The following CTSH variants were observed in gnomAD, a reference collection of about 807,000 sequenced individuals.
The protein encoded by CTSH is cathepsin H.
Under a neutral mutation model 56.3 loss-of-function variants are expected in CTSH, and 52 were observed. The observed-to-expected ratio is 0.92, with a 90% confidence interval of 0.74 to 1.16. CTSH has a LOEUF of 1.16. Among genes scored for constraint, CTSH ranks in the 50% most tolerant of loss-of-function variants. The pLI is 0.00. For missense variants in CTSH, 406 were observed against 424.5 expected (o/e 0.96, Z 0.38); for synonymous variants, 174 against 155.7 (o/e 1.12, Z -0.88).
chr15:78,923,152 T>C, intron 10 of CTSH, 34 bp from the exon 11 acceptor site: 12 of 1,611,518 alleles, frequency 7.4e-6, no homozygotes, highest in Non-Finnish European at 1.0e-5. Flanking sequence ...GGTGATCATA[T>C]GGGAAGGATA....
chr15:78,945,037 A>C lies in CTSH; in HGVS notation c.-56T>G. On this transcript the variant is annotated 5_prime_UTR_variant, in exon 1 of 12. Coordinates refer to ENST00000220166, the MANE Select transcript of CTSH (RefSeq NM_004390.5). ...AGGGTCCGCGGAGGTGGCGGCCCAGAGCGTCAACTGGGAGCGCGGGGGGGG... is the reference window on the plus strand; with the variant it reads ...AGGGTCCGCGGAGGTGGCGGCCCAGCGCGTCAACTGGGAGCGCGGGGGGGG... 1 of 1,389,278 alleles carries C rather than the reference A, an allele frequency of 7.2e-7. No homozygotes were observed. The highest frequency in any genetic ancestry group is 9.4e-7 in the Non-Finnish European group (1 of 1,058,800). 86.1% of individuals were successfully genotyped at this position (1,389,278 alleles called of 1,614,324 possible).
Position 78,944,753 on chromosome 15 carries a change from GC to G in CTSH, c.91+137del, listed in dbSNP as rs1033021333. On this transcript the variant is annotated intron_variant, in intron 1 of 11. Coordinates refer to ENST00000220166, the MANE Select transcript of CTSH (RefSeq NM_004390.5). Reference sequence around the variant, plus strand: ...ATGCAGTTTACCCCTCCCCGTGCCAGCACGCAGAGTTCCTGGCCTCTCACCG... The same window carrying G: ...ATGCAGTTTACCCCTCCCCGTGCCAGACGCAGAGTTCCTGGCCTCTCACCG... 3 of 1,343,964 alleles carry G rather than the reference GC, an allele frequency of 2.2e-6. No individual in the cohort carries two copies. In the African/African-American group the frequency reaches 4.6e-5, roughly 20 times the overall value. 83.3% of individuals were successfully genotyped at this position (1,343,964 alleles called of 1,614,324 possible). A position where few individuals can be genotyped will look rare whatever the true frequency, so the allele number is the denominator to read the frequency against.
At chr15:78,934,470 G>A (rs773903773) in intron 5 of CTSH, among the ~76,000 whole-genome samples, 4 of 152,238 alleles carry the variant, frequency 2.6e-5, no homozygotes, top group Non-Finnish European at 4.4e-5. Flanking sequence ...GGAAGGCAGG[G>A]CCTCTCACCT....
intron 4 of CTSH, 46 bp downstream of exon 4, chr15:78,935,634 G>A (rs202107390): frequency 2.6e-6 from 4 of 1,516,356 alleles, no homozygotes; most frequent in Admixed American, 1.7e-5. Flanking sequence ...TATTCCAAAG[G>A]TTTCAGTAAA....
rs370268844 is a variant in CTSH, at chr15:78,927,709, T to G, written c.699+4A>C. ...CCCCATCCCAGAGGGGGATCGGCAC[T>G]CACGATTGTGATGTTGGCTACATCC... On this transcript the variant is annotated splice_donor_region_variant and intron_variant, in intron 9 of 11. Coordinates refer to ENST00000220166, the MANE Select transcript of CTSH (RefSeq NM_004390.5). 6.2e-7 allele frequency: 1 copy of G among 1,613,840 alleles called. No homozygotes were observed. Among genetic ancestry groups the G allele is most frequent in the African/African-American group, 1.3e-5 (1 of 74,924 alleles).
intron 1 of CTSH, among the ~76,000 whole-genome samples, chr15:78,941,150 G>A (rs1367965038): frequency 6.6e-6 from 1 of 151,978 alleles, no homozygotes; most frequent in Non-Finnish European, 1.5e-5. Flanking sequence ...ATTTTGGCTG[G>A]GCGCCGTGGC....
chr15:78,925,558 A>G (rs12440862), intron 9 of CTSH, 118 bp from the exon 10 acceptor site: 69,011 of 665,818 alleles, frequency 0.1, 4,327 homozygotes, highest in East Asian at 0.27. Context: ...GATGGCCAGA[A>G]GCAGCTCCCC....
rs142506062 is a variant in CTSH at position 78,927,770 on chromosome 15, G to A, written c.642C>T (p.Cys214=). 4 of 1,614,100 alleles carry A rather than the reference G, an allele frequency of 2.5e-6. No homozygotes were observed. Among genetic ancestry groups the A allele is most frequent in the Non-Finnish European group, 3.4e-6 (4 of 1,179,946 alleles). The change falls in exon 9 of 12, where the codon TGC becomes TGT. Residue 214 remains cysteine (C), a synonymous_variant. Coordinates refer to ENST00000220166, the MANE Select transcript of CTSH (RefSeq NM_004390.5). ...TYPYQGKDGY[C]KFQPGKAIGF... ...CGATGGCCTTTCCAGGTTGGAACTT[G>A]CAATAACCATCCTGTTGAGGATGCA...
intron 5 of CTSH, among the ~76,000 whole-genome samples, chr15:78,934,552 T>C (rs1284970618): frequency 6.6e-6 from 1 of 152,174 alleles, no homozygotes; most frequent in Non-Finnish European, 1.5e-5. Flanking sequence ...TGCTGATGCA[T>C]GACACATGGA....
At chr15:78,932,797 C>T (rs1286149539) in intron 5 of CTSH, among the ~76,000 whole-genome samples, 8 of 152,182 alleles carry the variant, frequency 5.3e-5, no homozygotes, top group African/African-American at 1.9e-4. Context: ...ACCATTCTGC[C>T]AGGGCCTGGA....
intron 6 of CTSH, chr15:78,931,829 G>C: frequency 1.5e-6 from 2 of 1,299,922 alleles, no homozygotes; most frequent in Non-Finnish European, 2.0e-6. Flanking sequence ...GCGGTGTATA[G>C]GATGGGGGAA....
At position 78,932,399 on chromosome 15, in the gene CTSH, G is replaced by A. The variant is rs2055081403; in HGVS notation, c.465C>T (p.Ala155=). ...AGGACAGCATCTTTCCGGTTGCGAT[G>A]GCGATCGCAGACTCCAGGGCCCCAG... ...STTGALESAI[A]IATGKMLSLA... is the part of the protein sequence containing the mutation. Residue 155 remains alanine (A), a synonymous_variant, in exon 6 of 12, where the codon GCC becomes GCT. Transcript: ENST00000220166. 6.2e-7 allele frequency: 1 copy of A among 1,614,006 alleles called. No individual in the cohort carries two copies. Among genetic ancestry groups the A allele is most frequent in the Admixed American group, 1.7e-5 (1 of 60,000 alleles).
chr15:78,929,458 T>C lies in CTSH; in HGVS notation c.584A>G (p.Tyr195Cys). ...LPSQAFEYIL[Y>C]NKGIMGEDTY... The stretch of plus-strand genomic sequence containing the variant: ...GTCTTCACCCATGATCCCCTTGTTG[T>C]ACAGGATATACTCGAAAGCCTGGCT... Residue 195 changes from tyrosine to cysteine, a missense_variant, in exon 8 of 12, where the codon TAC (tyrosine) becomes TGC (cysteine). Transcript: ENST00000220166. The C allele has an allele frequency of 2.5e-6, 4 of 1,612,284 alleles. No homozygotes were observed. The highest frequency in any genetic ancestry group is 3.4e-6 in the Non-Finnish European group (4 of 1,179,052).
intron 1 of CTSH, among the ~76,000 whole-genome samples, chr15:78,940,054 T>C (rs1188679896): frequency 6.6e-6 from 1 of 152,204 alleles, no homozygotes; most frequent in African/African-American, 2.4e-5. Context: ...TGAACATTAA[T>C]GGGTAGGACT....
intron 10 of CTSH, 127 bp from the exon 11 acceptor site, chr15:78,923,245 A>AGGT (rs2054816522): frequency 2.0e-6 from 2 of 995,642 alleles, no homozygotes; most frequent in East Asian, 2.6e-5. Flanking sequence ...GAGGCATGTA[A>AGGT]GGTGGTGATG....
At position 78,923,930 on chromosome 15, in the gene CTSH, C is replaced by T. The variant is rs540737618; in HGVS notation, c.807-812G>A. ...GATGTGTAAGTGGGCCATAGGCTCGCGCCAGGGCCAGGTGCCGGGATCCAG... is the reference window on the plus strand; with the variant it reads ...GATGTGTAAGTGGGCCATAGGCTCGTGCCAGGGCCAGGTGCCGGGATCCAG... On this transcript the variant is annotated intron_variant, in intron 10 of 11. Transcript: ENST00000220166. Among the ~76,000 whole-genome samples the T allele has an allele frequency of 6.6e-5, 10 of 152,256 alleles. No individual in the cohort carries two copies. In the East Asian group the frequency reaches 1.4e-3, roughly 21 times the overall value.
intron 10 of CTSH, among the ~76,000 whole-genome samples, chr15:78,924,101 G>GC (rs2054839757): frequency 1.5e-5 from 2 of 136,386 alleles, no homozygotes; most frequent in Non-Finnish European, 1.6e-5. Flanking sequence ...CCCAGCGGGG[G>GC]GGGGGGGGAG....
rs1266044960 is a variant in CTSH at position 78,921,657 on chromosome 15, C to G, written c.*473G>C. 1 of 154,294 alleles carries G rather than the reference C, an allele frequency of 6.5e-6. No homozygotes were observed. Among genetic ancestry groups the G allele is most frequent in the Non-Finnish European group, 1.4e-5 (1 of 69,542 alleles). 9.6% of individuals were successfully genotyped at this position (154,294 alleles called of 1,614,324 possible). Reference sequence around the variant, plus strand: ...ATCTGGTGGATAATACCGCCAGCACCCCCACCATCCTCCCAGCCAGAGCCT... The same window carrying G: ...ATCTGGTGGATAATACCGCCAGCACGCCCACCATCCTCCCAGCCAGAGCCT... On this transcript the variant is annotated 3_prime_UTR_variant, in exon 12 of 12. Transcript: ENST00000220166.
chr15:78,931,905 C>T (rs1309612700), intron 6 of CTSH: 3 of 1,206,916 alleles, frequency 2.5e-6, no homozygotes, highest in Non-Finnish European at 1.0e-6. Flanking sequence ...CATCACCAGG[C>T]CGGCTGTGCA....
Sources: allele counts gnomAD v4.1 joint callset (sites outside exome capture counted in the v4.1 genomes callset), GRCh38; gene constraint gnomAD v4.1.1; transcripts MANE v1.5; gene names NCBI Gene and HGNC (gene_info 2026-07-23, HGNC 2026-07-21).